Variants in CARD10 observed in about 807,000 individuals in gnomAD.
The protein encoded by CARD10 is caspase recruitment domain-containing protein 10.
CARD10 carries 49 observed loss-of-function variants against 114.6 expected under a neutral mutation model. The observed-to-expected ratio is 0.43, with a 90% CI of 0.34 to 0.54. CARD10 has a LOEUF of 0.54. Among genes scored for constraint, CARD10 ranks in the 20% least tolerant of loss-of-function variants. The pLI, the probability that CARD10 is intolerant of heterozygous loss-of-function variation, is 0.03. For synonymous variants in CARD10, 602 were observed against 593.2 expected (o/e 1.01, Z -0.21); for missense variants, 1,206 against 1,397.2 (o/e 0.86, Z 2.18).
rs1352745585 is a variant in CARD10 at position 37,491,100 on chromosome 22, C to T, written c.*59G>A. The T allele has an allele frequency of 2.2e-6, 3 of 1,367,332 alleles. No individual in the cohort carries two copies. The Admixed American group carries it at 6.0e-5, about 27-fold the overall frequency. 84.7% of individuals were successfully genotyped at this position (1,367,332 alleles called of 1,614,324 possible). ...GGCTCAGGGTGGGAGGGCCCAGCTTCACCATAGACACCAGGGTCCACGCTG... is the reference window on the plus strand; with the variant it reads ...GGCTCAGGGTGGGAGGGCCCAGCTTTACCATAGACACCAGGGTCCACGCTG... On this transcript the variant is annotated 3_prime_UTR_variant, in exon 20 of 20. Coordinates refer to ENST00000251973, the MANE Select transcript of CARD10 (RefSeq NM_014550.4).
chr22:37,510,197 C>T lies in CARD10; in HGVS notation c.909+15G>A, dbSNP rs1923584546. 2 of 1,597,900 alleles carry T rather than the reference C, an allele frequency of 1.3e-6. No individual in the cohort carries two copies. Among genetic ancestry groups the T allele is most frequent in the Non-Finnish European group, 1.7e-6 (2 of 1,179,214 alleles). On this transcript the variant is annotated intron_variant, in intron 4 of 19. Coordinates refer to ENST00000251973, the MANE Select transcript of CARD10 (RefSeq NM_014550.4). ...CCACCCCCCAGCCTGTGCCCACAAG[C>T]CCTGGCCCTGGTACCTGCTGCAGGC... is the stretch of plus-strand genomic sequence containing the variant.
chr22:37,502,350 T>G (rs375385676), intron 11 of CARD10, among the ~76,000 whole-genome samples: 5 of 152,092 alleles, frequency 3.3e-5, no homozygotes, highest in Admixed American at 2.6e-4. Flanking sequence ...AAGACCTCCA[T>G]GCAAAAAGGG....
Position 37,492,837 on chromosome 22 carries a change from C to T in CARD10, c.2477-35G>A, listed in dbSNP as rs1220060862. Reference sequence around the variant, plus strand: ...GGGAGGGGCGCAAAAGAGATAAGGGCACAGGCAGGCAGCATACCAGCTCGT... The same window carrying T: ...GGGAGGGGCGCAAAAGAGATAAGGGTACAGGCAGGCAGCATACCAGCTCGT... On this transcript the variant is annotated intron_variant, in intron 16 of 19. Transcript: ENST00000251973. The surrounding 1 kb of genome is among the most constrained non-coding windows in gnomAD (Gnocchi z 5.7). The T allele has an allele frequency of 3.1e-6, 5 of 1,596,092 alleles. No individual in the cohort carries two copies. The South Asian group carries it at 5.5e-5, about 18-fold the overall frequency.
chr22:37,504,105 T>A lies in CARD10; in HGVS notation c.1634+81A>T, dbSNP rs16998289. The A allele has an allele frequency of 1.4e-3, 1,346 of 979,350 alleles. 17 individuals are homozygous for A. The African/African-American group carries it at 0.019, about 14-fold the overall frequency. 60.7% of individuals were successfully genotyped at this position (979,350 alleles called of 1,614,324 possible). On this transcript the variant is annotated intron_variant, in intron 9 of 19. Coordinates refer to ENST00000251973, the MANE Select transcript of CARD10 (RefSeq NM_014550.4). ...TGACTGCCTGGACCTGACTTTGGCA[T>A]TGCAGATTCTGGGAGGTGGCTGTTC...
rs1220452188 is a variant in CARD10 at position 37,515,962 on chromosome 22, C to G, written c.699+11G>C. Reference sequence around the variant, plus strand: ...TCCCTTGCCTCCCCGACCCATCTCCCCAGGGCCTACCGCCAGCTGCAGGTC... The same window carrying G: ...TCCCTTGCCTCCCCGACCCATCTCCGCAGGGCCTACCGCCAGCTGCAGGTC... On this transcript the variant is annotated intron_variant, in intron 3 of 19. Transcript: ENST00000251973. 1 of 1,559,476 alleles carries G rather than the reference C, an allele frequency of 6.4e-7. No individual in the cohort carries two copies. Among genetic ancestry groups the G allele is most frequent in the Non-Finnish European group, 8.7e-7 (1 of 1,148,900 alleles).
At chr22:37,508,373 C>T (rs569680239) in intron 5 of CARD10, among the ~76,000 whole-genome samples, 154 bp downstream of exon 5, 2 of 152,216 alleles carry the variant, frequency 1.3e-5, no homozygotes, top group Non-Finnish European at 2.9e-5. Context: ...GCATCTCAAG[C>T]GCCTAGAAGG....
intron 11 of CARD10, among the ~76,000 whole-genome samples, chr22:37,499,615 T>G (rs553065628): frequency 1.9e-3 from 289 of 150,926 alleles, no homozygotes; most frequent in Non-Finnish European, 3.2e-3. Flanking sequence ...TCTTGACAAC[T>G]CCTGCAGCTC....
Position 37,519,317 on chromosome 22 carries a change from CGCGCCCCGA to C in CARD10, c.-126_-118del. The stretch of plus-strand genomic sequence containing the variant: ...TCGTCCGCAGACCCGCCGTCGGGGG[CGCGCCCCGA>C]GCTCCCCGCGACTCACCCCGCACGC... On this transcript the variant is annotated 5_prime_UTR_variant, in exon 1 of 20. Coordinates refer to ENST00000251973, the MANE Select transcript of CARD10 (RefSeq NM_014550.4). This position sits in a 1 kb window ranked among gnomAD's most constrained non-coding sequence, Gnocchi z 4.1. 1 of 1,338,292 alleles carries C rather than the reference CGCGCCCCGA, an allele frequency of 7.5e-7. No individual in the cohort carries two copies. The highest frequency in any genetic ancestry group is 9.5e-7 in the Non-Finnish European group (1 of 1,047,998). 82.9% of individuals were successfully genotyped at this position (1,338,292 alleles called of 1,614,324 possible).
At chr22:37,509,610 T>C (rs1601816485) in intron 4 of CARD10, among the ~76,000 whole-genome samples, 1 of 147,898 alleles carries the variant, frequency 6.8e-6, no homozygotes, top group African/African-American at 2.6e-5. Flanking sequence ...GCCCTGGCCC[T>C]AGTACCTGCT....
chr22:37,519,320 G>T lies in CARD10; in HGVS notation c.-120C>A. 5 of 1,338,254 alleles carry T rather than the reference G, an allele frequency of 3.7e-6. No homozygotes were observed. Among genetic ancestry groups the T allele is most frequent in the Non-Finnish European group, 4.8e-6 (5 of 1,048,056 alleles). The allele number at this position is 1,338,254 out of a possible 1,614,324, so 82.9% of individuals were successfully genotyped here. A position where few individuals can be genotyped will look rare whatever the true frequency, so the allele number is the denominator to read the frequency against. ...TCCGCAGACCCGCCGTCGGGGGCGC[G>T]CCCCGAGCTCCCCGCGACTCACCCC... is the stretch of plus-strand genomic sequence containing the variant. On this transcript the variant is annotated 5_prime_UTR_variant, in exon 1 of 20. Transcript: ENST00000251973. The surrounding 1 kb of genome is among the most constrained non-coding windows in gnomAD (Gnocchi z 4.1).
chr22:37,491,782 A>G lies in CARD10; in HGVS notation c.2837T>C (p.Val946Ala), dbSNP rs1449522956. Residue 946 changes from valine (V) to alanine (A), a missense_variant, in exon 19 of 20, where the codon GTG (valine) becomes GCG (alanine). Around this residue, in one of 2 missense-constraint regions of CARD10, gnomAD observed 1,068 missense variants for 1,179.1 expected, o/e 0.91. Transcript: ENST00000251973. ...GACTTCCCGGACATTCTTCTCAGTC[A>G]CCTCCACGTGGATGACGATGGGGTA... ...EIYPIVIHVE[V>A]TEKNVREVRG... 3 of 1,573,058 alleles carry G rather than the reference A, an allele frequency of 1.9e-6. No individual in the cohort carries two copies. Among genetic ancestry groups the G allele is most frequent in the Non-Finnish European group, 2.6e-6 (3 of 1,158,466 alleles).
In CARD10 at chr22:37,495,385, G is replaced by A. The variant is rs933345787; in HGVS notation, c.2373+132C>T. On this transcript the variant is annotated intron_variant, in intron 15 of 19. Coordinates refer to ENST00000251973, the MANE Select transcript of CARD10 (RefSeq NM_014550.4). Reference sequence around the variant, plus strand: ...TGTTCTGTTTGCTGGGCACATAGTAGATGACCAATTAAATCACCAGGGAAG... The same window carrying A: ...TGTTCTGTTTGCTGGGCACATAGTAAATGACCAATTAAATCACCAGGGAAG... 25 of 698,196 alleles carry A rather than the reference G, an allele frequency of 3.6e-5. No homozygotes were observed. The African/African-American group carries it at 4.1e-4, about 11-fold the overall frequency. The allele number at this position is 698,196 out of a possible 1,614,324, so 43.3% of individuals were successfully genotyped here. A position where few individuals can be genotyped will look rare whatever the true frequency, so the allele number is the denominator to read the frequency against.
At chr22:37,513,648 G>A (rs1384823096) in intron 3 of CARD10, among the ~76,000 whole-genome samples, 2 of 151,776 alleles carry the variant, frequency 1.3e-5, no homozygotes, top group Non-Finnish European at 2.9e-5. Flanking sequence ...CAGCCCTCAC[G>A]CCGTCCTCTC....
In CARD10 at chr22:37,502,829, G is replaced by A. The variant is rs375259712; in HGVS notation, c.1664-104C>T. 46 of 1,367,142 alleles carry A rather than the reference G, an allele frequency of 3.4e-5. No individual in the cohort carries two copies. The African/African-American group carries it at 4.8e-4, about 14-fold the overall frequency. 84.7% of individuals were successfully genotyped at this position (1,367,142 alleles called of 1,614,324 possible). On this transcript the variant is annotated intron_variant, in intron 10 of 19. Transcript: ENST00000251973. Reference sequence around the variant, plus strand: ...CCTCCAGCCCAGAGAGGCCTTGGCAGGTTTGAGGCCCCAGGAGCACATCAG... The same window carrying A: ...CCTCCAGCCCAGAGAGGCCTTGGCAAGTTTGAGGCCCCAGGAGCACATCAG...
rs376839545 is a variant in CARD10 at position 37,503,101 on chromosome 22, G to A, written c.1663+84C>T. 35 of 1,408,616 alleles carry A rather than the reference G, an allele frequency of 2.5e-5. 2 individuals are homozygous for A. In the South Asian group the frequency reaches 2.8e-4, roughly 11 times the overall value. 87.3% of individuals were successfully genotyped at this position (1,408,616 alleles called of 1,614,324 possible). A position where few individuals can be genotyped will look rare whatever the true frequency, so the allele number is the denominator to read the frequency against. ...GAAGGGGATGCAGGCCAAAGGTAGC[G>A]CAGGTGGTGCAGGCTTCAGGTGGGC... On this transcript the variant is annotated intron_variant, in intron 10 of 19. Transcript: ENST00000251973.
chr22:37,495,872 T>C lies in CARD10; in HGVS notation c.2191A>G (p.Ile731Val). ...PHALCVKAQE[I>V]LRLVDSAYKR... The stretch of plus-strand genomic sequence containing the variant: ...TATGCCGAGTCCACCAGTCGAAGGA[T>C]CTCTTGGGCTTTCACGCAAAGGGCA... Residue 731 changes from isoleucine (I) to valine (V), a missense_variant, in exon 14 of 20, where the codon ATC becomes GTC. Around this residue, in one of 2 missense-constraint regions of CARD10, gnomAD observed 1,068 missense variants for 1,179.1 expected, o/e 0.91. Coordinates refer to ENST00000251973, the MANE Select transcript of CARD10 (RefSeq NM_014550.4). 6.2e-7 allele frequency: 1 copy of C among 1,614,036 alleles called. No homozygotes were observed. The highest frequency in any genetic ancestry group is 8.5e-7 in the Non-Finnish European group (1 of 1,180,034).
Position 37,506,387 on chromosome 22 carries a change from G to A in CARD10, c.1192-4C>T, listed in dbSNP as rs1408583066. ...TCCGGTCACGGCTCTGGATGGCCTA[G>A]GGTTGGGGGAGGGGAGGCAGCAGCT... On this transcript the variant is annotated splice_polypyrimidine_tract_variant and splice_region_variant and intron_variant, in intron 6 of 19. Coordinates refer to ENST00000251973, the MANE Select transcript of CARD10 (RefSeq NM_014550.4). The A allele has an allele frequency of 3.2e-6, 5 of 1,550,716 alleles. No homozygotes were observed. Among genetic ancestry groups the A allele is most frequent in the Non-Finnish European group, 4.4e-6 (5 of 1,141,582 alleles).
In CARD10 at chr22:37,519,037, C is replaced by T. The variant is rs1227950466; in HGVS notation, c.164G>A (p.Arg55Gln). Reference sequence around the variant, plus strand: ...CTCCTCGTCCTGCTCGTCGATGACCCGGCACTGGCGCAGATACGGCGTGAG... The same window carrying T: ...CTCCTCGTCCTGCTCGTCGATGACCTGGCACTGGCGCAGATACGGCGTGAG... The part of the protein sequence containing the change: ...AKLTPYLRQC[R>Q]VIDEQDEEEV... Residue 55 changes from arginine (R) to glutamine (Q), a missense_variant, in exon 1 of 20, where the codon CGG becomes CAG. By Grantham distance (43) the Arg-to-Gln change is conservative. Transcript: ENST00000251973. This position sits in a 1 kb window ranked among gnomAD's most constrained non-coding sequence, Gnocchi z 4.1. 1.3e-6 allele frequency: 2 copies of T among 1,595,414 alleles called. No homozygotes were observed. The highest frequency in any genetic ancestry group is 8.5e-7 in the Non-Finnish European group (1 of 1,177,292).
intron 2 of CARD10, among the ~76,000 whole-genome samples, chr22:37,516,559 G>A (rs769920328): frequency 2.1e-4 from 32 of 152,280 alleles, no homozygotes; most frequent in Middle Eastern, 3.4e-3. Flanking sequence ...AAGCAACAGA[G>A]TGGGAGAAAA....
Sources: allele counts gnomAD v4.1 joint callset (sites outside exome capture counted in the v4.1 genomes callset), GRCh38; gene constraint gnomAD v4.1.1; regional missense constraint gnomAD v4.1.1; non-coding constraint Gnocchi (gnomAD v3.1); transcripts MANE v1.5; gene names NCBI Gene and HGNC (gene_info 2026-07-23, HGNC 2026-07-21).